Variants in RBFOX3 observed in about 807,000 individuals in gnomAD.
RBFOX3 encodes the protein RNA binding protein fox-1 homolog 3.
A neutral mutation model predicts 48.7 loss-of-function variants in RBFOX3; 17 were observed. That is an observed-to-expected ratio of 0.35 (90% CI 0.24 to 0.52). The LOEUF (loss-of-function observed/expected upper bound fraction) is 0.52. Ranked by LOEUF, RBFOX3 falls within the 20% of genes least tolerant of loss-of-function variation. The probability of loss-of-function intolerance (pLI) is 0.94; values close to 1 mark genes in which losing one functional copy is unlikely to be tolerated. For missense variants in RBFOX3, 382 were observed against 497.5 expected (o/e 0.77, Z 2.21); for synonymous variants, 212 against 209.5 (o/e 1.01, Z -0.10).
rs1041494896 is a variant in RBFOX3 at position 79,198,222 on chromosome 17, G to C, written c.-34+37544C>G. On this transcript the variant is annotated intron_variant, in intron 4 of 14. Coordinates refer to ENST00000693108, the MANE Select transcript of RBFOX3 (RefSeq NM_001350451.2). The surrounding 1 kb of genome is among the most constrained non-coding windows in gnomAD (Gnocchi z 8.2). Reference sequence around the variant, plus strand: ...CCTCAACACTGGACCAGACCAGAAGGGGAAATCATGGGTGACAACCGCCTC... The same window carrying C: ...CCTCAACACTGGACCAGACCAGAAGCGGAAATCATGGGTGACAACCGCCTC... Among the ~76,000 whole-genome samples, 3 of 152,170 alleles carry C rather than the reference G, an allele frequency of 2.0e-5. No homozygotes were observed. Among genetic ancestry groups the C allele is most frequent in the Non-Finnish European group, 4.4e-5 (3 of 68,038 alleles).
At chr17:79,468,937 AGGATGGATGGATGGAT>A (rs199614550) in intron 2 of RBFOX3, among the ~76,000 whole-genome samples, 4 of 89,966 alleles carry the variant, frequency 4.4e-5, no homozygotes, top group Admixed American at 1.2e-4. Flanking sequence ...TAGAGACGGG[AGGATGGATGGATGGAT>A]GGATGGATGG....
At chr17:79,282,080 A>G (rs1382269007) in intron 3 of RBFOX3, among the ~76,000 whole-genome samples, 3 of 152,096 alleles carry the variant, frequency 2.0e-5, no homozygotes, top group African/African-American at 7.2e-5. Context: ...TTGCAGTTTT[A>G]TTTGCTTTTT....
intron 1 of RBFOX3, among the ~76,000 whole-genome samples, chr17:79,545,024 A>C (rs991206914): frequency 6.6e-6 from 1 of 151,672 alleles, no homozygotes; most frequent in Admixed American, 6.6e-5. Flanking sequence ...CGCTCCTACA[A>C]ATAAAACTCT....
At chr17:79,139,597 G>C (rs1292754819) in intron 4 of RBFOX3, among the ~76,000 whole-genome samples, 50 of 152,376 alleles carry the variant, frequency 3.3e-4, no homozygotes, top group Non-Finnish European at 8.8e-5. Context: ...TCCAGAGCCA[G>C]GGAGGAGGAT....
intron 2 of RBFOX3, among the ~76,000 whole-genome samples, chr17:79,428,707 C>T (rs781865481): frequency 6.6e-6 from 1 of 152,238 alleles, no homozygotes; most frequent in Non-Finnish European, 1.5e-5. Context: ...GTGACGCTCA[C>T]GTCCCCAGCA....
chr17:79,555,611 C>A (rs896092390), intron 1 of RBFOX3, among the ~76,000 whole-genome samples: 12 of 1,262 alleles, frequency 9.5e-3, no homozygotes, highest in Non-Finnish European at 0.016. Flanking sequence ...GTGGTGATGG[C>A]GGTGGTGGTG....
At chr17:79,409,627 A>G (rs1186933295) in intron 2 of RBFOX3, among the ~76,000 whole-genome samples, 3 of 152,226 alleles carry the variant, frequency 2.0e-5, no homozygotes, top group African/African-American at 7.2e-5. Flanking sequence ...GCCTCTGTCC[A>G]TATGGAAACT....
At chr17:79,633,838 AC>A in the RBFOX3 span, among the ~76,000 whole-genome samples, 4 of 151,936 alleles carry the variant, frequency 2.6e-5, no homozygotes, top group African/African-American at 9.7e-5. Flanking sequence ...CTGATGTGCC[AC>A]CCTTGGAAGA....
intron 4 of RBFOX3, among the ~76,000 whole-genome samples, chr17:79,216,030 T>C (rs115190205): frequency 0.015 from 2,290 of 151,832 alleles, 21 homozygotes; most frequent in Non-Finnish European, 0.021. Flanking sequence ...CACCCAGGGG[T>C]CCAGCACTTG....
chr17:79,133,162 G>T (rs1226524150), intron 4 of RBFOX3, among the ~76,000 whole-genome samples: 1 of 152,200 alleles, frequency 6.6e-6, no homozygotes, highest in Non-Finnish European at 1.5e-5. Flanking sequence ...CACAGGAGCA[G>T]GGTGGGGAGC....
rs1478949112 is a variant in RBFOX3, at chr17:79,094,513, C to T, written c.1015G>A (p.Ala339Thr). The change falls in exon 14 of 15, where the codon GCA becomes ACA. Residue 339 changes from alanine (A) to threonine (T), a missense_variant. Ala to Thr is a moderately conservative substitution (Grantham distance 58). This residue lies in a region of RBFOX3 where 215 missense variants were observed against 254.8 expected (regional missense o/e 0.84). Coordinates refer to ENST00000693108, the MANE Select transcript of RBFOX3 (RefSeq NM_001350451.2). The stretch of plus-strand genomic sequence containing the variant: ...GTGTGATGGTACGGGTCGGCAGCTG[C>T]GTAGACTCTGCCGTAACTAGGGAAG... ...AYSDSYGRVY[A>T]AADPYHHTIG... 11 of 1,253,256 alleles carry T rather than the reference C, an allele frequency of 8.8e-6. No homozygotes were observed. Among genetic ancestry groups the T allele is most frequent in the East Asian group, 5.9e-5 (1 of 16,912 alleles). The allele number at this position is 1,253,256 out of a possible 1,614,324, so 77.6% of individuals were successfully genotyped here. A position where few individuals can be genotyped will look rare whatever the true frequency, so the allele number is the denominator to read the frequency against.
intron 4 of RBFOX3, among the ~76,000 whole-genome samples, chr17:79,117,006 G>T (rs762931207): frequency 2.0e-5 from 3 of 152,240 alleles, no homozygotes; most frequent in Non-Finnish European, 4.4e-5. Flanking sequence ...CTGGTGGGGA[G>T]CCCTTATGAT....
At chr17:79,476,980 C>A (rs2077875777) in intron 2 of RBFOX3, among the ~76,000 whole-genome samples, 1 of 151,848 alleles carries the variant, frequency 6.6e-6, no homozygotes, top group African/African-American at 2.4e-5. Context: ...ACCCTGTAAC[C>A]CCAGCACTTT....
the RBFOX3 span, among the ~76,000 whole-genome samples, chr17:79,643,915 A>G: frequency 0.022 from 3,287 of 152,190 alleles, 118 homozygotes; most frequent in African/African-American, 0.076. Flanking sequence ...AATAATACAA[A>G]TAATAGCAGA....
intron 2 of RBFOX3, among the ~76,000 whole-genome samples, chr17:79,428,230 C>T (rs1186623925): frequency 2.0e-5 from 3 of 152,376 alleles, no homozygotes; most frequent in African/African-American, 7.2e-5. Context: ...CCCATCTCCA[C>T]AGTCACAGCC....
At chr17:79,588,504 C>A (rs1202541163) in intron 1 of RBFOX3, among the ~76,000 whole-genome samples, 1 of 152,182 alleles carries the variant, frequency 6.6e-6, no homozygotes, top group Non-Finnish European at 1.5e-5. Flanking sequence ...ACCACCCTCA[C>A]CCCAGGTTAG....
intron 1 of RBFOX3, among the ~76,000 whole-genome samples, chr17:79,557,921 G>A (rs1016143068): frequency 7.9e-5 from 12 of 152,208 alleles, no homozygotes; most frequent in Admixed American, 2.0e-4. Flanking sequence ...GCAAGGGGAC[G>A]GCCGGGAGAC....
chr17:79,566,435 T>C (rs2092457950), intron 1 of RBFOX3, among the ~76,000 whole-genome samples: 1 of 152,180 alleles, frequency 6.6e-6, no homozygotes, highest in South Asian at 2.1e-4. Context: ...GCAGGAAAAC[T>C]GGTAAGACCA....
chr17:79,363,521 C>T lies in RBFOX3; in HGVS notation c.-174-55697G>A, dbSNP rs1266694697. Among the ~76,000 whole-genome samples the T allele has an allele frequency of 6.6e-6, 1 of 152,084 alleles. No homozygotes were observed. Among genetic ancestry groups the T allele is most frequent in the Non-Finnish European group, 1.5e-5 (1 of 67,992 alleles). On this transcript the variant is annotated intron_variant, in intron 2 of 14. Transcript: ENST00000693108. The surrounding 1 kb of genome is among the most constrained non-coding windows in gnomAD (Gnocchi z 4.7). Reference sequence around the variant, plus strand: ...GAAGTATCTCAGAAGTATCTCAGATCTTCTGAGGATGCCCAACACAAGGCT... The same window carrying T: ...GAAGTATCTCAGAAGTATCTCAGATTTTCTGAGGATGCCCAACACAAGGCT...
Sources: gnomAD v4.1 joint callset for allele counts (sites outside exome capture counted in the v4.1 genomes callset) on GRCh38, gnomAD v4.1.1 for gene constraint, gnomAD v4.1.1 regional missense constraint, Gnocchi (gnomAD v3.1) non-coding constraint, MANE v1.5 for transcripts, NCBI Gene and HGNC (gene_info 2026-07-23, HGNC 2026-07-21) for gene names.